Variants in PRKD1 observed in about 807,000 individuals in gnomAD.
The protein encoded by PRKD1 is protein kinase D1, also known as serine/threonine-protein kinase D1.
In PRKD1, 63 loss-of-function variants were observed where a neutral mutation model predicts 95.9. The ratio of observed to expected loss-of-function variants is 0.66; its 90% CI spans 0.54 to 0.81. The LOEUF (loss-of-function observed/expected upper bound fraction) is 0.81, where lower values mean the gene tolerates loss of function less well. PRKD1 is among the 30% of genes least tolerant of loss of function. The pLI, the probability that PRKD1 is intolerant of heterozygous loss-of-function variation, is 0.00. For synonymous variants in PRKD1, 425 were observed against 423.1 expected, an observed-to-expected ratio of 1.00 and a Z score of -0.05; for missense variants, 1,048 against 1,165.3, an observed-to-expected ratio of 0.90 and a Z score of 1.47.
At chr14:29,833,676 T>G (rs889544305) in intron 1 of PRKD1, among the ~76,000 whole-genome samples, 2 of 152,060 alleles carry the variant, frequency 1.3e-5, no homozygotes, top group African/African-American at 4.8e-5. Flanking sequence ...ATAAGAATAT[T>G]TATAATATAG....
At chr14:29,738,779 TTCTTTCTTTCTCTCTC>T (rs1459473094) in intron 1 of PRKD1, among the ~76,000 whole-genome samples, 17 of 151,776 alleles carry the variant, frequency 1.1e-4, no homozygotes, top group East Asian at 7.8e-4. Context: ...CCTTCCTTCC[TTCTTTCTTTCTCTCTC>T]TCTTTCTTTC....
At chr14:29,578,470 C>A (rs1420657779) in intron 16 of PRKD1, 110 bp from the exon 17 acceptor site, 2 of 427,192 alleles carry the variant, frequency 4.7e-6, no homozygotes, top group Non-Finnish European at 6.3e-6. Context: ...AGCATAGTGA[C>A]AAGGCACTAG....
intron 4 of PRKD1, among the ~76,000 whole-genome samples, chr14:29,657,010 T>C (rs2139193412): frequency 6.6e-6 from 1 of 152,332 alleles, no homozygotes; most frequent in East Asian, 1.9e-4. Flanking sequence ...TAGCAGTCAG[T>C]GGTTTCCAAA....
intron 1 of PRKD1, among the ~76,000 whole-genome samples, chr14:29,876,730 C>CA (rs998186214): frequency 2.9e-4 from 42 of 145,722 alleles, no homozygotes; most frequent in African/African-American, 9.4e-4. Flanking sequence ...CAAAAAAAAA[C>CA]AAAAAAAAGC....
Position 29,927,444 on chromosome 14 carries a change from C to CGCTGCGGCAGCT in PRKD1, c.57_68dup (p.Ala23_Ala26dup), listed in dbSNP as rs1465458014. On this transcript the variant is annotated inframe_insertion, in exon 1 of 18. Coordinates refer to ENST00000331968, the MANE Select transcript of PRKD1 (RefSeq NM_002742.3). ...CGGACCCTGGGACCAGTGCGGCGGCCGCTGCGGCAGCTGCCGCCGCCACGG... is the reference window on the plus strand; with the variant it reads ...CGGACCCTGGGACCAGTGCGGCGGCCGCTGCGGCAGCTGCTGCGGCAGCTGCCGCCGCCACGG... 7.5e-7 allele frequency: 1 copy of CGCTGCGGCAGCT among 1,337,392 alleles called. No individual in the cohort carries two copies. Among genetic ancestry groups the CGCTGCGGCAGCT allele is most frequent in the East Asian group, 3.2e-5 (1 of 30,912 alleles). The allele number at this position is 1,337,392 out of a possible 1,614,324, so 82.8% of individuals were successfully genotyped here.
At chr14:29,605,873 CATCAAGTACGATAT>C (rs1893685902) in intron 13 of PRKD1, among the ~76,000 whole-genome samples, 1 of 152,176 alleles carries the variant, frequency 6.6e-6, no homozygotes, top group Admixed American at 6.5e-5. Flanking sequence ...GTACATTTTG[CATCAAGTACGATAT>C]ATAGTGATAG....
chr14:29,900,481 C>A (rs1377404758), intron 1 of PRKD1, among the ~76,000 whole-genome samples: 4 of 152,112 alleles, frequency 2.6e-5, no homozygotes, highest in African/African-American at 9.7e-5. Flanking sequence ...TGAAAACTGA[C>A]AAGTGAAACC....
At chr14:29,634,214 T>C (rs1880211877) in intron 8 of PRKD1, among the ~76,000 whole-genome samples, 1 of 152,226 alleles carries the variant, frequency 6.6e-6, no homozygotes, top group Non-Finnish European at 1.5e-5. Context: ...CTGAAATTGC[T>C]TTCCACACTT....
chr14:29,604,111 A>G (rs555010006), intron 13 of PRKD1, among the ~76,000 whole-genome samples: 104 of 152,342 alleles, frequency 6.8e-4, no homozygotes, highest in African/African-American at 2.4e-3. Context: ...TCAAGAAAAT[A>G]AAGAATTGAC....
intron 4 of PRKD1, among the ~76,000 whole-genome samples, chr14:29,654,327 A>G (rs1016362702): frequency 5.3e-5 from 8 of 152,028 alleles, no homozygotes; most frequent in Admixed American, 4.6e-4. Context: ...GCGTGCCACC[A>G]TGCCTGGCTA....
chr14:29,865,184 T>A (rs1349181329), intron 1 of PRKD1, among the ~76,000 whole-genome samples: 20 of 152,178 alleles, frequency 1.3e-4, no homozygotes, highest in Admixed American at 1.3e-3. Context: ...ATCAAATGCA[T>A]TATGAAGATA....
chr14:29,752,235 T>A (rs1442847816), intron 1 of PRKD1, among the ~76,000 whole-genome samples: 1 of 152,210 alleles, frequency 6.6e-6, no homozygotes, highest in Admixed American at 6.5e-5. Context: ...ATACCTCTTA[T>A]ATCAATAAAA....
At position 29,628,059 on chromosome 14, in the gene PRKD1, G is replaced by A. The variant is rs75701799; in HGVS notation, c.1725+982C>T. ...TAGAGTAACTTGTATTTCCTGAAAT[G>A]TCTCTGGCTAAACAAAGGCAATAGG... is the stretch of plus-strand genomic sequence containing the variant. On this transcript the variant is annotated intron_variant, in intron 11 of 17. Transcript: ENST00000331968. Among the ~76,000 whole-genome samples, 1,022 of 152,228 alleles carry A rather than the reference G, an allele frequency of 6.7e-3. 11 individuals carry two copies. Among genetic ancestry groups the A allele is most frequent in the African/African-American group, 0.023 (970 of 41,536 alleles).
chr14:29,867,873 G>C (rs867367121), intron 1 of PRKD1, among the ~76,000 whole-genome samples: 2 of 152,320 alleles, frequency 1.3e-5, no homozygotes, highest in Middle Eastern at 3.4e-3. Context: ...AGAATACTTA[G>C]TCTGTGTTTT....
chr14:29,597,360 G>T (rs981592594), intron 16 of PRKD1, 131 bp downstream of exon 16: 4 of 944,092 alleles, frequency 4.2e-6, no homozygotes, highest in African/African-American at 3.3e-5. Context: ...TCGTGTCTTT[G>T]TGTCTCCACT....
intron 1 of PRKD1, among the ~76,000 whole-genome samples, chr14:29,764,742 T>C (rs927383496): frequency 1.3e-5 from 2 of 152,212 alleles, no homozygotes; most frequent in South Asian, 4.1e-4. Flanking sequence ...GAGTTTTGCA[T>C]TGGGGATTAA....
At chr14:29,796,881 A>G (rs1298732273) in intron 1 of PRKD1, among the ~76,000 whole-genome samples, 1 of 152,250 alleles carries the variant, frequency 6.6e-6, no homozygotes, top group African/African-American at 2.4e-5. Flanking sequence ...GAAGAATGGC[A>G]CAGAAGCTAG....
chr14:29,779,939 T>G (rs145917919), intron 1 of PRKD1, among the ~76,000 whole-genome samples: 3 of 151,806 alleles, frequency 2.0e-5, no homozygotes, highest in Non-Finnish European at 1.5e-5. Context: ...CCAAAACAGA[T>G]ATATACACCA....
rs904901483 is a variant in PRKD1, at chr14:29,624,861, A to T, written c.1799-603T>A. On this transcript the variant is annotated intron_variant, in intron 12 of 17. Transcript: ENST00000331968. ...ACCATATAATAGGCCCTTTATGTAT[A>T]TTACACCTCATTTAACTACTATAAC... 2.6e-5 allele frequency among the ~76,000 whole-genome samples: 4 copies of T among 152,162 alleles called. 1 individual carries two copies. The highest frequency in any genetic ancestry group is 1.5e-5 in the Non-Finnish European group (1 of 68,030).
Sources: allele counts gnomAD v4.1 joint callset (sites outside exome capture counted in the v4.1 genomes callset), GRCh38; gene constraint gnomAD v4.1.1; transcripts MANE v1.5; gene names NCBI Gene and HGNC (gene_info 2026-07-23, HGNC 2026-07-21).